SUPT3H: variants seen among roughly 807,000 people sequenced by gnomAD.
The protein encoded by SUPT3H is SPT3 homolog, SAGA and STAGA complex component, also known as transcription initiation protein SPT3 homolog.
SUPT3H carries 44 observed loss-of-function variants against 44.3 expected under a neutral mutation model. The ratio of observed to expected loss-of-function variants is 0.99; its 90% CI spans 0.78 to 1.28. The LOEUF is 1.28. SUPT3H is among the 50% of genes most tolerant of loss of function. SUPT3H has a pLI of 0.00. For synonymous variants in SUPT3H, 124 were observed against 125.6 expected, an observed-to-expected ratio of 0.99 and a Z score of 0.09; for missense variants, 380 against 387.1, an observed-to-expected ratio of 0.98 and a Z score of 0.15.
intron 10 of SUPT3H, among the ~76,000 whole-genome samples, chr6:44,884,661 C>A (rs376625428): frequency 1.1e-4 from 16 of 152,150 alleles, no homozygotes; most frequent in Non-Finnish European, 1.6e-4. Flanking sequence ...GGAACAGCTC[C>A]GGTCTACAGC....
At chr6:45,296,895 C>CCCCGTGGAG (rs1781362980) in intron 2 of SUPT3H, among the ~76,000 whole-genome samples, 1 of 143,202 alleles carries the variant, frequency 7.0e-6, no homozygotes, top group African/African-American at 2.6e-5. Context: ...CTGCACTCTG[C>CCCCGTGGAG]ATTCCAGCCT....
chr6:45,033,165 T>G (rs1787201611), intron 3 of SUPT3H, among the ~76,000 whole-genome samples: 1 of 152,112 alleles, frequency 6.6e-6, no homozygotes, highest in African/African-American at 2.4e-5. Flanking sequence ...AAAGATAATG[T>G]CTGAAATATA....
rs1255015217 is a variant in SUPT3H, at chr6:44,859,469, A to G, written c.913-29612T>C. Among the ~76,000 whole-genome samples, 5 of 152,314 alleles carry G rather than the reference A, an allele frequency of 3.3e-5. No homozygotes were observed. In the East Asian group the frequency reaches 7.7e-4, roughly 24 times the overall value. Reference sequence around the variant, plus strand: ...GCAAGTTTTCTTTTTCTCTCCTGTCATAAGAGTGTTATATCCTGGCAAGTG... The same window carrying G: ...GCAAGTTTTCTTTTTCTCTCCTGTCGTAAGAGTGTTATATCCTGGCAAGTG... On this transcript the variant is annotated intron_variant, in intron 10 of 10. Transcript: ENST00000371459.
intron 2 of SUPT3H, among the ~76,000 whole-genome samples, chr6:45,195,866 G>A (rs531327657): frequency 6.6e-6 from 1 of 152,032 alleles, no homozygotes; most frequent in African/African-American, 2.4e-5. Context: ...ACTGAGGTCG[G>A]TAGTTACAAA....
chr6:45,264,117 C>T (rs1344150019), intron 2 of SUPT3H, among the ~76,000 whole-genome samples: 1 of 151,968 alleles, frequency 6.6e-6, no homozygotes, highest in Non-Finnish European at 1.5e-5. Context: ...AATCTATTAG[C>T]TATGAATTAA....
At chr6:44,809,954 A>G (rs10948172) in intron 11 of SUPT3H, among the ~76,000 whole-genome samples, 40,938 of 152,070 alleles carry the variant, frequency 0.27, 5,808 homozygotes, top group African/African-American at 0.3. Flanking sequence ...AATAGATATA[A>G]TTTCTTAGTG....
chr6:45,331,126 TGC>T (rs1352072883), intron 2 of SUPT3H, among the ~76,000 whole-genome samples: 6,089 of 132,782 alleles, frequency 0.046, 379 homozygotes, highest in African/African-American at 0.15. Flanking sequence ...TGTGTGTGTG[TGC>T]GCGCGCGCGC....
chr6:45,051,177 C>T (rs1008685533), intron 3 of SUPT3H, among the ~76,000 whole-genome samples: 2 of 152,220 alleles, frequency 1.3e-5, no homozygotes, highest in African/African-American at 4.8e-5. Flanking sequence ...GCGTGAGCCA[C>T]TGCGCCCAGC....
intron 3 of SUPT3H, among the ~76,000 whole-genome samples, chr6:45,064,290 A>C (rs1296635866): frequency 6.8e-6 from 1 of 147,340 alleles, no homozygotes; most frequent in Non-Finnish European, 1.5e-5. Context: ...GGCCTGCCCT[A>C]AAAGAGCTCC....
chr6:44,970,196 A>T (rs1777373011), intron 6 of SUPT3H, among the ~76,000 whole-genome samples: 1 of 152,298 alleles, frequency 6.6e-6, no homozygotes, highest in South Asian at 2.1e-4. Context: ...TGTAGTTATT[A>T]AAATCAAACT....
At chr6:45,292,849 G>C (rs1196214823) in intron 2 of SUPT3H, among the ~76,000 whole-genome samples, 1 of 150,138 alleles carries the variant, frequency 6.7e-6, no homozygotes, top group African/African-American at 2.5e-5. Flanking sequence ...ATTACTAACA[G>C]ACCTAAGAAA....
At chr6:45,065,580 A>G (rs1325761286) in intron 3 of SUPT3H, among the ~76,000 whole-genome samples, 1 of 151,748 alleles carries the variant, frequency 6.6e-6, no homozygotes. Context: ...AATAAAGAAA[A>G]AAAGAGACAA....
intron 5 of SUPT3H, among the ~76,000 whole-genome samples, chr6:45,006,187 T>C (rs1782692780): frequency 6.6e-6 from 1 of 152,264 alleles, no homozygotes; most frequent in Admixed American, 6.5e-5. Context: ...TTACCATTTA[T>C]TTGTTCATCG....
chr6:45,043,737 G>T (rs1788953029), intron 3 of SUPT3H, among the ~76,000 whole-genome samples: 1 of 152,038 alleles, frequency 6.6e-6, no homozygotes, highest in South Asian at 2.1e-4. Context: ...AAATAAATAT[G>T]ATCTGATTAT....
rs76917430 is a variant in SUPT3H, at chr6:45,304,506, G to A, written c.101+60695C>T. Among the ~76,000 whole-genome samples the A allele has an allele frequency of 2.6e-3, 391 of 152,182 alleles. 3 individuals are homozygous for A. Among genetic ancestry groups the A allele is most frequent in the African/African-American group, 8.6e-3 (357 of 41,532 alleles). On this transcript the variant is annotated intron_variant, in intron 2 of 10. Coordinates refer to ENST00000371459, the MANE Select transcript of SUPT3H (RefSeq NM_003599.4). ...CACTTAGTATTCTACTGCTCTACAAGGCTAGTATCATTTTCTAAAACTAAA... is the reference window on the plus strand; with the variant it reads ...CACTTAGTATTCTACTGCTCTACAAAGCTAGTATCATTTTCTAAAACTAAA...
At chr6:45,070,491 C>A (rs1032015171) in intron 3 of SUPT3H, among the ~76,000 whole-genome samples, 1 of 152,006 alleles carries the variant, frequency 6.6e-6, no homozygotes, top group African/African-American at 2.4e-5. Context: ...CGCCTGTAAT[C>A]CCAGCACTTT....
chr6:45,170,102 G>A (rs1045965220), intron 2 of SUPT3H, among the ~76,000 whole-genome samples: 2 of 152,088 alleles, frequency 1.3e-5, no homozygotes, highest in African/African-American at 2.4e-5. Flanking sequence ...ATTTAGGACA[G>A]GCTATGATTT....
At chr6:44,869,161 G>A (rs1775956657) in intron 10 of SUPT3H, among the ~76,000 whole-genome samples, 1 of 152,064 alleles carries the variant, frequency 6.6e-6, no homozygotes, top group Non-Finnish European at 1.5e-5. Context: ...AACATCAAAA[G>A]TAAGCAGCAA....
At chr6:45,216,062 A>G (rs1584306416) in intron 2 of SUPT3H, among the ~76,000 whole-genome samples, 1 of 152,188 alleles carries the variant, frequency 6.6e-6, no homozygotes, top group African/African-American at 2.4e-5. Context: ...AATGGTAGCC[A>G]AGAATATCAT....
Sources: allele counts gnomAD v4.1 joint callset (sites outside exome capture counted in the v4.1 genomes callset), GRCh38; gene constraint gnomAD v4.1.1; transcripts MANE v1.5; gene names NCBI Gene and HGNC (gene_info 2026-07-23, HGNC 2026-07-21).